Variants in FSTL4 observed in about 807,000 individuals in gnomAD.
FSTL4 encodes follistatin-related protein 4.
A neutral mutation model predicts 78.2 loss-of-function variants in FSTL4; 28 were observed. That is an observed-to-expected ratio of 0.36 (90% CI 0.27 to 0.49). The LOEUF (loss-of-function observed/expected upper bound fraction) is 0.49. Ranked by LOEUF, FSTL4 falls within the 20% of genes least tolerant of loss-of-function variation. The probability of loss-of-function intolerance (pLI) is 0.98; values close to 1 mark genes in which losing one functional copy is unlikely to be tolerated. For missense variants in FSTL4, 922 were observed against 1,084.9 expected, an observed-to-expected ratio of 0.85 and a Z score of 2.11; for synonymous variants, 422 against 440.5, an observed-to-expected ratio of 0.96 and a Z score of 0.53.
chr5:133,427,486 G>A (rs1044297898), intron 3 of FSTL4: 10 of 412,198 alleles, frequency 2.4e-5, no homozygotes, highest in Non-Finnish European at 5.2e-5. Flanking sequence ...TAAGTGAAAG[G>A]GTGAGTGAGT....
chr5:133,361,212 G>A lies in FSTL4; in HGVS notation c.409+39526C>T, dbSNP rs562322978. On this transcript the variant is annotated intron_variant, in intron 4 of 15. Coordinates refer to ENST00000265342, the MANE Select transcript of FSTL4 (RefSeq NM_015082.2). The surrounding 1 kb of genome is among the most constrained non-coding windows in gnomAD (Gnocchi z 4.3). ...ACTTTTCAAGGAGGGGTCGCATTCC[G>A]ACCCTGCAGTGCTGGCTTCTTTCCA... Among the ~76,000 whole-genome samples the A allele has an allele frequency of 3.9e-5, 6 of 152,264 alleles. No homozygotes were observed. Among genetic ancestry groups the A allele is most frequent in the Admixed American group, 1.3e-4 (2 of 15,298 alleles).
chr5:133,395,541 C>A (rs1756007070), intron 4 of FSTL4, among the ~76,000 whole-genome samples: 1 of 152,224 alleles, frequency 6.6e-6, no homozygotes, highest in Non-Finnish European at 1.5e-5. Flanking sequence ...ACCAAGAACC[C>A]ACCAATTCTG....
At chr5:133,394,152 T>A (rs955279429) in intron 4 of FSTL4, among the ~76,000 whole-genome samples, 4 of 152,114 alleles carry the variant, frequency 2.6e-5, no homozygotes, top group African/African-American at 9.7e-5. Flanking sequence ...CTTTGGGAAA[T>A]GAGAATGTTG....
At chr5:133,609,170 G>T (rs1761037551) in intron 1 of FSTL4, among the ~76,000 whole-genome samples, 1 of 152,178 alleles carries the variant, frequency 6.6e-6, no homozygotes, top group Non-Finnish European at 1.5e-5. Context: ...TTACAAAGAT[G>T]ATTTGGCAGA....
At chr5:133,347,044 G>A (rs1474235434) in intron 4 of FSTL4, among the ~76,000 whole-genome samples, 3 of 151,724 alleles carry the variant, frequency 2.0e-5, no homozygotes, top group Non-Finnish European at 4.4e-5. Context: ...TTTTTCCTTT[G>A]TTCCCTATCC....
rs1490106367 is a variant in FSTL4, at chr5:133,199,755, CT to C, written c.1868del (p.Lys623ArgfsTer7). 6.3e-7 allele frequency: 1 copy of C among 1,584,992 alleles called. No homozygotes were observed. Among genetic ancestry groups the C allele is most frequent in the Non-Finnish European group, 8.6e-7 (1 of 1,164,434 alleles). ...IFNKSDPAVH[K>X]VDLETMMPLK... is the part of the protein sequence containing the mutation. ...GGGGCATCATTGTTTCCAGGTCCACCTTGTGGACTGCAGGATCAGACTTGTT... is the reference window on the plus strand; with the variant it reads ...GGGGCATCATTGTTTCCAGGTCCACCTGTGGACTGCAGGATCAGACTTGTT... On this transcript the variant is annotated frameshift_variant, in exon 16 of 16. Coordinates refer to ENST00000265342, the MANE Select transcript of FSTL4 (RefSeq NM_015082.2). LOFTEE classifies it low-confidence loss of function (END_TRUNC). The surrounding 1 kb of genome is among the most constrained non-coding windows in gnomAD (Gnocchi z 4.4).
intron 3 of FSTL4, among the ~76,000 whole-genome samples, chr5:133,481,251 C>CA: frequency 6.6e-6 from 1 of 152,152 alleles, no homozygotes; most frequent in East Asian, 1.9e-4. Context: ...CAAGAGCTAT[C>CA]AAGCATTGGT....
At chr5:133,541,370 C>T (rs1418222085) in intron 3 of FSTL4, among the ~76,000 whole-genome samples, 1 of 152,090 alleles carries the variant, frequency 6.6e-6, no homozygotes, top group Non-Finnish European at 1.5e-5. Context: ...ACAGGGACCT[C>T]AGGACAGTTA....
chr5:133,210,224 C>T lies in FSTL4; in HGVS notation c.1683G>A (p.Trp561Ter). Residue 561 changes from tryptophan to a stop codon, truncating the protein, a stop_gained, in exon 14 of 16, where the codon TGG becomes TGA. Transcript: ENST00000265342. LOFTEE classifies it high-confidence loss of function. Reference protein sequence around the residue: ...KSHDQVWVLSWGDVHKSRPSL... With the variant: ...KSHDQVWVLS ...TTGGTCGGGACTTGTGCACGTCCCCCCAGCTCAGGACCCACACTTGGTCAT... is the reference window on the plus strand; with the variant it reads ...TTGGTCGGGACTTGTGCACGTCCCCTCAGCTCAGGACCCACACTTGGTCAT... 6.2e-7 allele frequency: 1 copy of T among 1,612,152 alleles called. No individual in the cohort carries two copies.
At chr5:133,537,537 A>G (rs1213537712) in intron 3 of FSTL4, among the ~76,000 whole-genome samples, 1 of 152,150 alleles carries the variant, frequency 6.6e-6, no homozygotes, top group Non-Finnish European at 1.5e-5. Flanking sequence ...ATTTGTGAAT[A>G]ATCACAGTTT....
the FSTL4 span, among the ~76,000 whole-genome samples, chr5:133,631,129 A>G: frequency 6.6e-6 from 1 of 152,222 alleles, no homozygotes. Context: ...AATGGCAACA[A>G]AAGCCAAAAT....
intron 3 of FSTL4, among the ~76,000 whole-genome samples, chr5:133,485,386 C>G (rs774514205): frequency 3.9e-5 from 6 of 152,292 alleles, no homozygotes; most frequent in Non-Finnish European, 7.3e-5. Flanking sequence ...CCCATGCAGG[C>G]AGACCTTGCT....
intron 8 of FSTL4, among the ~76,000 whole-genome samples, chr5:133,229,859 C>T (rs1751438152): frequency 6.8e-6 from 1 of 146,356 alleles, no homozygotes; most frequent in Non-Finnish European, 1.5e-5. Context: ...GCCTCAGGCC[C>T]TACCCTCATG....
At chr5:133,274,693 C>T (rs1752841237) in intron 6 of FSTL4, among the ~76,000 whole-genome samples, 1 of 152,132 alleles carries the variant, frequency 6.6e-6, no homozygotes, top group Non-Finnish European at 1.5e-5. Flanking sequence ...GTCCTCGCTC[C>T]AAAGCACACA....
At chr5:133,634,977 C>T in the FSTL4 span, among the ~76,000 whole-genome samples, 42 of 151,908 alleles carry the variant, frequency 2.8e-4, no homozygotes, top group African/African-American at 9.9e-4. Context: ...AGACTCCAGA[C>T]AATAGGATCT....
intron 6 of FSTL4, among the ~76,000 whole-genome samples, chr5:133,287,322 G>T (rs1436727299): frequency 6.6e-6 from 1 of 151,658 alleles, no homozygotes; most frequent in South Asian, 2.1e-4. Flanking sequence ...CAGGAGGTGG[G>T]GCTTGCAGTG....
the FSTL4 span, among the ~76,000 whole-genome samples, chr5:133,634,778 C>T: frequency 6.6e-6 from 1 of 152,152 alleles, no homozygotes; most frequent in South Asian, 2.1e-4. Flanking sequence ...GAGAAAATAA[C>T]TACATGATAA....
chr5:133,621,616 G>A, the FSTL4 span, among the ~76,000 whole-genome samples: 5 of 152,046 alleles, frequency 3.3e-5, no homozygotes, highest in African/African-American at 9.6e-5. Context: ...AGTTGGGAGC[G>A]GGTGAGGGAT....
intron 3 of FSTL4, among the ~76,000 whole-genome samples, chr5:133,455,361 G>A (rs1273104041): frequency 1.3e-5 from 2 of 152,194 alleles, no homozygotes; most frequent in African/African-American, 4.8e-5. Context: ...GCAAGGAAAC[G>A]CTGAACCCAT....
Sources: allele counts gnomAD v4.1 joint callset (sites outside exome capture counted in the v4.1 genomes callset), GRCh38; gene constraint gnomAD v4.1.1; non-coding constraint Gnocchi (gnomAD v3.1); transcripts MANE v1.5; gene names NCBI Gene and HGNC (gene_info 2026-07-23, HGNC 2026-07-21).